Variants in CLN3 observed in about 807,000 individuals in gnomAD.
CLN3 encodes the protein battenin.
A neutral mutation model predicts 60.7 loss-of-function variants in CLN3; 49 were observed. The observed-to-expected ratio is 0.81, with a 90% CI of 0.64 to 1.02. The LOEUF is 1.02. Ranked by LOEUF, CLN3 falls within the 50% of genes least tolerant of loss-of-function variation. CLN3 has a pLI of 0.00. For synonymous variants in CLN3, 256 were observed against 245.8 expected, an observed-to-expected ratio of 1.04 and a Z score of -0.39; for missense variants, 516 against 557.4, an observed-to-expected ratio of 0.93 and a Z score of 0.75.
rs1463456676 is a variant in CLN3 at position 28,487,500 on chromosome 16, A to G, written c.416T>C (p.Phe139Ser). 1 of 1,614,010 alleles carries G rather than the reference A, an allele frequency of 6.2e-7. No homozygotes were observed. The highest frequency in any genetic ancestry group is 1.1e-5 in the South Asian group (1 of 91,082). Reference protein sequence around the residue: ...LVSGICAAGSFVLVAFSHSVG... With the variant: ...LVSGICAAGSSVLVAFSHSVG... ...AGAATGAGAAAAGGCAACCAGGACG[A>G]AGCTTCCAGCAGCACAAATCCCACT... is the stretch of plus-strand genomic sequence containing the variant. The change falls in exon 7 of 16, where the codon TTC becomes TCC. Residue 139 changes from phenylalanine to serine, a missense_variant. Transcript: ENST00000636147.
rs574775208 is a variant in CLN3, at chr16:28,492,073, G to A, written c.-130C>T. On this transcript the variant is annotated 5_prime_UTR_variant, in exon 1 of 16. The change creates a new upstream start codon in the 5' untranslated region. Coordinates refer to ENST00000636147, the MANE Select transcript of CLN3 (RefSeq NM_001042432.2). Reference sequence around the variant, plus strand: ...ATGCAGAGGCCGTTTGTCGGATCACGTGACAGCACCCGCGTGTTCCCCCAT... The same window carrying A: ...ATGCAGAGGCCGTTTGTCGGATCACATGACAGCACCCGCGTGTTCCCCCAT... 6.5e-6 allele frequency: 3 copies of A among 464,612 alleles called. No individual in the cohort carries two copies. The highest frequency in any genetic ancestry group is 2.0e-5 in the African/African-American group (1 of 51,270). 28.8% of individuals were successfully genotyped at this position (464,612 alleles called of 1,614,324 possible).
At chr16:28,476,597 A>G (rs1405807522), downstream of CLN3, 2 of 152,238 alleles carry the variant, frequency 1.3e-5, no homozygotes, top group African/African-American at 2.4e-5. Context: ...CAACCCTGCC[A>G]TTCATTAGCT....
At chr16:28,489,438 T>C in intron 3 of CLN3, 52 bp from the exon 4 acceptor site, 2 of 1,361,264 alleles carry the variant, frequency 1.5e-6, no homozygotes, top group Non-Finnish European at 2.1e-6. Context: ...CAGCCATCTG[T>C]AGCCTTTGTG....
chr16:28,487,203 G>A, intron 7 of CLN3: 3 of 577,060 alleles, frequency 5.2e-6, no homozygotes, highest in East Asian at 3.0e-5. Context: ...GAGTCACTGT[G>A]CCTGGTCCAT....
At chr16:28,478,414 G>A (rs535349546) in intron 14 of CLN3, among the ~76,000 whole-genome samples, 3 of 151,432 alleles carry the variant, frequency 2.0e-5, no homozygotes, top group Non-Finnish European at 4.4e-5. Context: ...CCAGGAGTTC[G>A]AGACCAGCCT....
In CLN3 at chr16:28,482,635, T is replaced by C; in HGVS notation, c.828A>G (p.Thr276=). The C allele has an allele frequency of 1.2e-6, 2 of 1,614,174 alleles. No individual in the cohort carries two copies. The highest frequency in any genetic ancestry group is 1.7e-6 in the Non-Finnish European group (2 of 1,180,026). ...CAGCCATCATCCGAACCTTGAACAC[T>C]GTCCACCTTTCCCGAAGGGAGAGGC... The part of the protein sequence containing the change: ...SSSLSLRERW[T]VFKGLLWYIV... Residue 276 remains threonine (T), a synonymous_variant, in exon 11 of 16, where the codon ACA becomes ACG. Transcript: ENST00000636147.
chr16:28,470,518 G>T (rs570617746), downstream of CLN3: 6 of 896,150 alleles, frequency 6.7e-6, no homozygotes, highest in East Asian at 5.4e-5. Context: ...GGAAGGGGAC[G>T]GGGACCGGGG....
downstream of CLN3, among the ~76,000 whole-genome samples, chr16:28,471,974 G>A (rs566588490): frequency 1.3e-5 from 2 of 152,192 alleles, no homozygotes; most frequent in Non-Finnish European, 2.9e-5. Context: ...AGTTTGCAGT[G>A]AGCTGAGATA....
rs375724216 is a variant in CLN3, at chr16:28,489,277, G to C, written c.222+13C>G. Reference sequence around the variant, plus strand: ...GGGACTAACCATGGTGGTGGTGGTAGAGAGTCACTTACATGGCTCTGGTTT... The same window carrying C: ...GGGACTAACCATGGTGGTGGTGGTACAGAGTCACTTACATGGCTCTGGTTT... On this transcript the variant is annotated intron_variant, in intron 4 of 15. Coordinates refer to ENST00000636147, the MANE Select transcript of CLN3 (RefSeq NM_001042432.2). 1 of 1,592,098 alleles carries C rather than the reference G, an allele frequency of 6.3e-7. No homozygotes were observed. Among genetic ancestry groups the C allele is most frequent in the South Asian group, 1.1e-5 (1 of 89,810 alleles).
At chr16:28,478,180 C>T (rs2046028435) in intron 14 of CLN3, among the ~76,000 whole-genome samples, 1 of 151,664 alleles carries the variant, frequency 6.6e-6, no homozygotes. Flanking sequence ...TGTAGTGGTT[C>T]TGTAGTCCCA....
Position 28,481,432 on chromosome 16 carries a change from ACACACACACACACACACACACG to A in CLN3, c.1056+651_1056+672del, listed in dbSNP as rs1186488902. Among the ~76,000 whole-genome samples the A allele has an allele frequency of 7.6e-3, 1,006 of 133,080 alleles. 9 individuals carry two copies. Among genetic ancestry groups the A allele is most frequent in the African/African-American group, 0.023 (852 of 36,534 alleles). The allele number at this position is 133,080 out of a possible 152,430, so 87.3% of individuals were successfully genotyped here. ...CAATGCTTAAAACACACACACACACACACACACACACACACACACACGCACACACACACACACACACACTACA... is the reference window on the plus strand; with the variant it reads ...CAATGCTTAAAACACACACACACACACACACACACACACACACACACTACA... On this transcript the variant is annotated intron_variant, in intron 14 of 15. Transcript: ENST00000636147.
At chr16:28,489,496 T>TC (rs1254467396) in intron 3 of CLN3, 110 bp from the exon 4 acceptor site, 2 of 776,928 alleles carry the variant, frequency 2.6e-6, no homozygotes, top group African/African-American at 3.4e-5. Flanking sequence ...CTCTTTTTTT[T>TC]CCCTCTATCA....
At chr16:28,470,714 G>T (rs549487868), downstream of CLN3, among the ~76,000 whole-genome samples, 5 of 150,844 alleles carry the variant, frequency 3.3e-5, no homozygotes, top group Non-Finnish European at 5.9e-5. Context: ...GGAGGAGGTG[G>T]AGGAGGAGAA....
chr16:28,481,471 C>CACAG (rs2046095669), intron 14 of CLN3, among the ~76,000 whole-genome samples: 4 of 151,538 alleles, frequency 2.6e-5, no homozygotes, highest in Admixed American at 2.6e-4. Flanking sequence ...CACACACACA[C>CACAG]ACACTACAAA....
intron 14 of CLN3, 40 bp from the exon 15 acceptor site, chr16:28,477,917 G>C: frequency 2.5e-6 from 4 of 1,609,544 alleles, no homozygotes; most frequent in Non-Finnish European, 3.4e-6. Context: ...GACCAGGGCG[G>C]GGCAGGGAAG....
intron 3 of CLN3, among the ~76,000 whole-genome samples, chr16:28,490,741 C>CAG (rs1322831356): frequency 8.2e-6 from 1 of 122,146 alleles, no homozygotes. Context: ...GCCTGGAGGA[C>CAG]AGAGAGAGAC....
Position 28,488,712 on chromosome 16 carries a change from C to G in CLN3, c.223-50G>C. 1.9e-6 allele frequency: 3 copies of G among 1,574,272 alleles called. No homozygotes were observed. In the East Asian group the frequency reaches 6.7e-5, roughly 35 times the overall value. ...CACCCTGGAGGCAGAGGGATAGACA[C>G]ACAGAGCCTGGCTCCCGTCCCAGCT... is the stretch of plus-strand genomic sequence containing the variant. On this transcript the variant is annotated intron_variant, in intron 4 of 15. Transcript: ENST00000636147.
At chr16:28,487,284 C>T in intron 7 of CLN3, 172 bp downstream of exon 7, 2 of 692,670 alleles carry the variant, frequency 2.9e-6, no homozygotes, top group East Asian at 2.7e-5. Context: ...CCTCCACTGC[C>T]TACCCCTCCA....
downstream of CLN3, among the ~76,000 whole-genome samples, chr16:28,469,205 C>T (rs1174317787): frequency 4.6e-4 from 54 of 118,184 alleles, no homozygotes; most frequent in Middle Eastern, 4.1e-3. Context: ...TGGCATGGCA[C>T]GCATCTGTAT....
Sources: gnomAD v4.1 joint callset for allele counts (sites outside exome capture counted in the v4.1 genomes callset) on GRCh38, gnomAD v4.1.1 for gene constraint, MANE v1.5 for transcripts, NCBI Gene and HGNC (gene_info 2026-07-23, HGNC 2026-07-21) for gene names.